PITPNM2: variants seen among roughly 807,000 people sequenced by gnomAD.
PITPNM2 encodes the protein membrane-associated phosphatidylinositol transfer protein 2.
In PITPNM2, 35 loss-of-function variants were observed where a neutral mutation model predicts 132.2. The observed-to-expected ratio is 0.26, with a 90% CI of 0.20 to 0.35. PITPNM2 has a LOEUF of 0.35. PITPNM2 is among the 10% of genes least tolerant of loss of function. PITPNM2 has a pLI of 1.00. For missense variants in PITPNM2, 1,332 were observed against 1,912.0 expected (o/e 0.70, Z 5.66); for synonymous variants, 738 against 799.2 (o/e 0.92, Z 1.29).
chr12:123,063,527 C>T (rs1030678165), intron 2 of PITPNM2, among the ~76,000 whole-genome samples: 1 of 152,160 alleles, frequency 6.6e-6, no homozygotes, highest in African/African-American at 2.4e-5. Flanking sequence ...AAATAAGTGG[C>T]CCCTTCAGTC....
intron 1 of PITPNM2, among the ~76,000 whole-genome samples, chr12:123,127,053 C>T (rs1326260662): frequency 6.6e-6 from 1 of 152,190 alleles, no homozygotes; most frequent in African/African-American, 2.4e-5. Flanking sequence ...GAGAGCCCTG[C>T]CCTTGGAGAA....
rs780087607 is a variant in PITPNM2, at chr12:123,000,685, A to G, written c.1224+93T>C. The G allele has an allele frequency of 1.5e-4, 213 of 1,381,604 alleles. No homozygotes were observed. Among genetic ancestry groups the G allele is most frequent in the Non-Finnish European group, 2.1e-4 (205 of 994,526 alleles). The allele number at this position is 1,381,604 out of a possible 1,614,324, so 85.6% of individuals were successfully genotyped here. ...GTGGAGGTGAGGCTGCCAGGCCCAGAGTTCCACCTCTGTAACCCCTCAGAC... is the reference window on the plus strand; with the variant it reads ...GTGGAGGTGAGGCTGCCAGGCCCAGGGTTCCACCTCTGTAACCCCTCAGAC... On this transcript the variant is annotated intron_variant, in intron 10 of 25. Transcript: ENST00000320201. This position sits in a 1 kb window ranked among gnomAD's most constrained non-coding sequence, Gnocchi z 5.4.
chr12:123,138,585 C>T (rs1012368274), intron 1 of PITPNM2, among the ~76,000 whole-genome samples: 1 of 152,166 alleles, frequency 6.6e-6, no homozygotes, highest in Admixed American at 6.5e-5. Context: ...AAAGGCCATA[C>T]ATTATATGAT....
intron 3 of PITPNM2, among the ~76,000 whole-genome samples, chr12:123,029,421 AC>A: frequency 6.6e-6 from 1 of 152,292 alleles, no homozygotes; most frequent in South Asian, 2.1e-4. Flanking sequence ...GCCCATCTCT[AC>A]TAAAAATACA....
At chr12:123,122,057 C>T (rs960153282) in intron 1 of PITPNM2, among the ~76,000 whole-genome samples, 9 of 152,158 alleles carry the variant, frequency 5.9e-5, no homozygotes, top group African/African-American at 1.9e-4. Context: ...GCACAATCAT[C>T]ACTGCCATCT....
chr12:123,039,127 C>T (rs2040374471), intron 2 of PITPNM2, among the ~76,000 whole-genome samples: 1 of 151,986 alleles, frequency 6.6e-6, no homozygotes, highest in Non-Finnish European at 1.5e-5. Flanking sequence ...CACCATGCAC[C>T]CCTGGCACGG....
At chr12:123,143,480 AC>A (rs1490491393) in intron 1 of PITPNM2, among the ~76,000 whole-genome samples, 1 of 152,206 alleles carries the variant, frequency 6.6e-6, no homozygotes, top group Non-Finnish European at 1.5e-5. Context: ...TGACGTACGT[AC>A]GAACTCTTAA....
chr12:123,145,953 T>G (rs1044626177), intron 1 of PITPNM2, among the ~76,000 whole-genome samples: 2 of 152,160 alleles, frequency 1.3e-5, no homozygotes, highest in Non-Finnish European at 2.9e-5. Context: ...TATATACACA[T>G]AGTATAGAAT....
rs2042513712 is a variant in PITPNM2, at chr12:123,099,857, G to A, written c.-96+10528C>T. On this transcript the variant is annotated intron_variant, in intron 2 of 25. Transcript: ENST00000320201. The surrounding 1 kb of genome is among the most constrained non-coding windows in gnomAD (Gnocchi z 4.2). ...TGACAGCCTGGGAGGCCTATTCCCAGGGGCAATCAGAAGACTAGAAAGCAC... is the reference window on the plus strand; with the variant it reads ...TGACAGCCTGGGAGGCCTATTCCCAAGGGCAATCAGAAGACTAGAAAGCAC... Among the ~76,000 whole-genome samples the A allele has an allele frequency of 6.6e-6, 1 of 152,102 alleles. No individual in the cohort carries two copies. Among genetic ancestry groups the A allele is most frequent in the Non-Finnish European group, 1.5e-5 (1 of 68,012 alleles).
At chr12:123,087,409 C>A (rs2042142794) in intron 2 of PITPNM2, 1 of 151,930 alleles carries the variant, frequency 6.6e-6, no homozygotes, top group South Asian at 2.1e-4. Flanking sequence ...CATGCCACTA[C>A]CGCCCGGCTA....
At position 123,013,889 on chromosome 12, in the gene PITPNM2, G is replaced by T. The variant is rs778434271; in HGVS notation, c.232C>A (p.Pro78Thr). The T allele has an allele frequency of 6.2e-7, 1 of 1,614,284 alleles. No individual in the cohort carries two copies. The highest frequency in any genetic ancestry group is 1.1e-5 in the South Asian group (1 of 91,092). ...TCCACCACCCGCAGGGCTGCCTTGG[G>T]CAGGATGGAGCGGAACCAGCTGGGA... ...HIPSWFRSIL[P>T]KAALRVVEES... Residue 78 changes from proline (P) to threonine (T), a missense_variant, in exon 4 of 26, where the codon CCC (proline) becomes ACC (threonine). Physicochemically the swap from Pro to Thr is conservative, Grantham distance 38. This residue lies in a region of PITPNM2 where 83 missense variants were observed against 118.7 expected (regional missense o/e 0.70). Coordinates refer to ENST00000320201, the MANE Select transcript of PITPNM2 (RefSeq NM_020845.3).
At chr12:123,134,765 T>C (rs1343337925) in intron 1 of PITPNM2, among the ~76,000 whole-genome samples, 1 of 152,174 alleles carries the variant, frequency 6.6e-6, no homozygotes, top group Non-Finnish European at 1.5e-5. Context: ...AAAGCAGCAC[T>C]TTAACATAAA....
In PITPNM2 at chr12:123,022,742, G is replaced by C. The variant is rs1023214329; in HGVS notation, c.79-8700C>G. On this transcript the variant is annotated intron_variant, in intron 3 of 25. Transcript: ENST00000320201. The surrounding 1 kb of genome is among the most constrained non-coding windows in gnomAD (Gnocchi z 4.9). Reference sequence around the variant, plus strand: ...AGATTGCATTAAACTGCAGAAACCTGCATGTGCATCAGAACCCCCAACCCC... The same window carrying C: ...AGATTGCATTAAACTGCAGAAACCTCCATGTGCATCAGAACCCCCAACCCC... Among the ~76,000 whole-genome samples, 1 of 152,238 alleles carries C rather than the reference G, an allele frequency of 6.6e-6. No homozygotes were observed. Among genetic ancestry groups the C allele is most frequent in the African/African-American group, 2.4e-5 (1 of 41,444 alleles).
chr12:123,107,771 G>T (rs1482594121), intron 2 of PITPNM2, among the ~76,000 whole-genome samples: 2 of 152,206 alleles, frequency 1.3e-5, no homozygotes, highest in African/African-American at 4.8e-5. Flanking sequence ...TTTGGGAAAA[G>T]CAGGTGGTAC....
Position 122,990,702 on chromosome 12 carries a change from C to T in PITPNM2, c.2412G>A (p.Val804=), listed in dbSNP as rs1447789229. Residue 804 remains valine (V), a synonymous_variant, in exon 17 of 26, where the codon GTG becomes GTA. Transcript: ENST00000320201. The part of the protein sequence containing the change: ...GDGCSTLLAD[V]LQTHNAAFQE... The stretch of plus-strand genomic sequence containing the variant: ...GGAAGGCTGCATTGTGGGTCTGGAG[C>T]ACATCCGCTGCAGGTGGACAGGGAC... 1.2e-6 allele frequency: 2 copies of T among 1,605,760 alleles called. No homozygotes were observed. The highest frequency in any genetic ancestry group is 2.2e-5 in the East Asian group (1 of 44,856).
At chr12:123,098,055 A>G (rs1430226643) in intron 2 of PITPNM2, among the ~76,000 whole-genome samples, 2 of 152,208 alleles carry the variant, frequency 1.3e-5, no homozygotes, top group African/African-American at 2.4e-5. Flanking sequence ...AGAGAAAGAG[A>G]GAAGAATCAA....
Position 123,005,625 on chromosome 12 carries a change from C to T in PITPNM2, c.644-77G>A. 2.8e-6 allele frequency: 4 copies of T among 1,442,196 alleles called. No homozygotes were observed. Among genetic ancestry groups the T allele is most frequent in the Non-Finnish European group, 3.8e-6 (4 of 1,058,794 alleles). The allele number at this position is 1,442,196 out of a possible 1,614,324, so 89.3% of individuals were successfully genotyped here. ...CAGGAGCCTGCACGGAAGTGTGGGG[C>T]CCAGGCAGGGGCTTTGGGAGGCTGT... is the stretch of plus-strand genomic sequence containing the variant. On this transcript the variant is annotated intron_variant, in intron 6 of 25. Transcript: ENST00000320201. The surrounding 1 kb of genome is among the most constrained non-coding windows in gnomAD (Gnocchi z 6.2).
rs575505952 is a variant in PITPNM2 at position 123,040,702 on chromosome 12, A to T, written c.-95-6017T>A. On this transcript the variant is annotated intron_variant, in intron 2 of 25. Transcript: ENST00000320201. ...GAACATGATACTTTTTTAAAAAAAG[A>T]TCATGTAGAACACGATACTTTTTTA... 2.2e-3 allele frequency among the ~76,000 whole-genome samples: 337 copies of T among 152,260 alleles called. 2 individuals are homozygous for T. The highest frequency in any genetic ancestry group is 7.8e-3 in the African/African-American group (324 of 41,574).
chr12:122,986,149 G>A lies in PITPNM2; in HGVS notation c.3928C>T (p.Arg1310Trp), dbSNP rs1421222390. 2.7e-5 allele frequency: 42 copies of A among 1,529,834 alleles called. No individual in the cohort carries two copies. The highest frequency in any genetic ancestry group is 3.6e-5 in the Non-Finnish European group (41 of 1,143,480). The allele number at this position is 1,529,834 out of a possible 1,614,324, so 94.8% of individuals were successfully genotyped here. ...QPSGPSHRHE[R>W]TQSQADGEQR... ...TCGCCATCCGCCTGGCTCTGTGTCC[G>A]CTCGTGCCGGTGGCTGGGCCCGCTG... is the stretch of plus-strand genomic sequence containing the variant. Residue 1310 changes from arginine (R) to tryptophan (W), a missense_variant, in exon 26 of 26, where the codon CGG (arginine) becomes TGG (tryptophan). Arg to Trp is a moderately radical substitution (Grantham distance 101). Transcript: ENST00000320201.
Sources: allele counts gnomAD v4.1 joint callset (sites outside exome capture counted in the v4.1 genomes callset), GRCh38; gene constraint gnomAD v4.1.1; regional missense constraint gnomAD v4.1.1; non-coding constraint Gnocchi (gnomAD v3.1); transcripts MANE v1.5; gene names NCBI Gene and HGNC (gene_info 2026-07-23, HGNC 2026-07-21).